SEM1: variants seen among roughly 807,000 people sequenced by gnomAD.
SEM1 encodes 26S proteasome complex subunit SEM1.
In SEM1, 3 loss-of-function variants were observed where a neutral mutation model predicts 12.7. The observed-to-expected ratio is 0.24, with a 90% CI of 0.11 to 0.61. The LOEUF (loss-of-function observed/expected upper bound fraction) is 0.61, where lower values mean the gene tolerates loss of function less well. SEM1 is among the 20% of genes least tolerant of loss of function. The pLI is 0.88. For synonymous variants in SEM1, 30 were observed against 27.8 expected (o/e 1.08, Z -0.25); for missense variants, 59 against 81.3 (o/e 0.73, Z 1.06).
chr7:96,492,396 T>C (rs534320089), intron 1 of SEM1, among the ~76,000 whole-genome samples: 1 of 152,052 alleles, frequency 6.6e-6, no homozygotes, highest in African/African-American at 2.4e-5. Context: ...TGTTTTAGCA[T>C]GTATCAGGGC....
intron 2 of SEM1, among the ~76,000 whole-genome samples, chr7:96,599,054 G>A (rs1264940862): frequency 6.6e-6 from 1 of 152,042 alleles, no homozygotes; most frequent in Admixed American, 6.6e-5. Context: ...GGGGCAGAGG[G>A]AGGGAGGAAG....
At chr7:96,534,501 G>C (rs1804732730) in intron 2 of SEM1, among the ~76,000 whole-genome samples, 2 of 152,074 alleles carry the variant, frequency 1.3e-5, no homozygotes, top group Admixed American at 1.3e-4. Flanking sequence ...AAACAGAATA[G>C]TTGATTTTAA....
intron 2 of SEM1, among the ~76,000 whole-genome samples, chr7:96,599,063 A>C (rs1258702161): frequency 6.6e-6 from 1 of 152,086 alleles, no homozygotes; most frequent in Non-Finnish European, 1.5e-5. Context: ...GGAGGGAGGA[A>C]GGAAGGAAGA....
intron 3 of SEM1, chr7:96,484,752 G>T: frequency 2.2e-6 from 2 of 897,422 alleles, no homozygotes; most frequent in Non-Finnish European, 3.1e-6. Flanking sequence ...TGGCATCACT[G>T]GGTGCCTTAA....
intron 2 of SEM1, among the ~76,000 whole-genome samples, chr7:96,525,935 G>A (rs984208738): frequency 6.6e-6 from 1 of 152,062 alleles, no homozygotes; most frequent in Non-Finnish European, 1.5e-5. Flanking sequence ...CCAGAAAACT[G>A]GTCCCTGGTG....
chr7:96,571,251 T>C (rs183636230), intron 2 of SEM1, among the ~76,000 whole-genome samples: 1 of 152,280 alleles, frequency 6.6e-6, no homozygotes, highest in African/African-American at 2.4e-5. Flanking sequence ...GCCATGCTTT[T>C]GGTGTTTTAG....
At chr7:96,531,435 A>C (rs549718467) in intron 2 of SEM1, among the ~76,000 whole-genome samples, 3 of 151,304 alleles carry the variant, frequency 2.0e-5, no homozygotes, top group South Asian at 4.2e-4. Flanking sequence ...ACAACAAAAA[A>C]AAACAAACAA....
intron 2 of SEM1, chr7:96,656,357 T>C (rs1809178756): frequency 6.6e-6 from 1 of 152,178 alleles, no homozygotes; most frequent in Non-Finnish European, 1.5e-5. Flanking sequence ...TGAACATCAC[T>C]GTCTCAGCCA....
At chr7:96,614,032 T>C (rs1451414021) in intron 2 of SEM1, among the ~76,000 whole-genome samples, 1 of 152,246 alleles carries the variant, frequency 6.6e-6, no homozygotes, top group East Asian at 1.9e-4. Flanking sequence ...CTCTTCAACA[T>C]ACGAATTTCA....
chr7:96,605,880 C>T (rs1199512697), intron 2 of SEM1, among the ~76,000 whole-genome samples: 1 of 152,166 alleles, frequency 6.6e-6, no homozygotes, highest in Non-Finnish European at 1.5e-5. Flanking sequence ...GAGGCAATCT[C>T]ACACTATCCT....
At chr7:96,667,373 G>T (rs1789198349) in intron 2 of SEM1, among the ~76,000 whole-genome samples, 1 of 152,132 alleles carries the variant, frequency 6.6e-6, no homozygotes, top group Non-Finnish European at 1.5e-5. Flanking sequence ...AAGCAAGTTA[G>T]CTGCCCTTGT....
intron 2 of SEM1, among the ~76,000 whole-genome samples, chr7:96,625,901 G>A (rs1307299833): frequency 6.6e-6 from 1 of 152,108 alleles, no homozygotes; most frequent in Non-Finnish European, 1.5e-5. Flanking sequence ...TACATAATAT[G>A]TGTATATGTT....
chr7:96,693,627 A>G (rs1212686272), intron 2 of SEM1, among the ~76,000 whole-genome samples: 4 of 152,030 alleles, frequency 2.6e-5, no homozygotes, highest in African/African-American at 9.7e-5. Context: ...AAGGATGTGG[A>G]GAGACTGAAA....
chr7:96,532,084 G>C (rs917270691), intron 2 of SEM1, among the ~76,000 whole-genome samples: 1 of 151,928 alleles, frequency 6.6e-6, no homozygotes, highest in Non-Finnish European at 1.5e-5. Flanking sequence ...ATTAGGTTCC[G>C]GGCCCTTTGA....
intron 2 of SEM1, among the ~76,000 whole-genome samples, chr7:96,553,313 T>A (rs1435146485): frequency 6.6e-6 from 1 of 151,788 alleles, no homozygotes; most frequent in Non-Finnish European, 1.5e-5. Context: ...TCTTCTAGGG[T>A]TTTTATGGTT....
chr7:96,623,551 T>C (rs1807962218), intron 2 of SEM1, among the ~76,000 whole-genome samples: 1 of 148,052 alleles, frequency 6.8e-6, no homozygotes, highest in South Asian at 2.1e-4. Context: ...TATAAATGTA[T>C]TATTTTATAT....
intron 2 of SEM1, among the ~76,000 whole-genome samples, chr7:96,638,588 T>TATC (rs553896032): frequency 1.8e-4 from 27 of 152,132 alleles, no homozygotes; most frequent in Non-Finnish European, 3.5e-4. Context: ...ATATATTTTC[T>TATC]ATCTAGTAAC....
chr7:96,541,973 C>T, intron 2 of SEM1, among the ~76,000 whole-genome samples: 1 of 123,422 alleles, frequency 8.1e-6, no homozygotes, highest in African/African-American at 3.1e-5. Context: ...TTTCCAATAG[C>T]ATGCTCTTTG....
intron 2 of SEM1, among the ~76,000 whole-genome samples, chr7:96,656,778 T>C (rs1398838142): frequency 2.0e-5 from 3 of 151,904 alleles, no homozygotes; most frequent in Non-Finnish European, 4.4e-5. Context: ...CTAGTAGTTT[T>C]AGCATATACA....
Sources: allele counts gnomAD v4.1 joint callset (sites outside exome capture counted in the v4.1 genomes callset), GRCh38; gene constraint gnomAD v4.1.1; transcripts MANE v1.5; gene names NCBI Gene and HGNC (gene_info 2026-07-23, HGNC 2026-07-21).